GALNT13: variants seen among roughly 807,000 people sequenced by gnomAD.
GALNT13 encodes polypeptide N-acetylgalactosaminyltransferase 13.
GALNT13 carries 28 observed loss-of-function variants against 64.2 expected under a neutral mutation model. The ratio of observed to expected loss-of-function variants is 0.44; its 90% confidence interval spans 0.32 to 0.60. GALNT13 has a LOEUF of 0.60. Ranked by LOEUF, GALNT13 falls within the 20% of genes least tolerant of loss-of-function variation. GALNT13 has a pLI of 0.05. For synonymous variants in GALNT13, 214 were observed against 224.6 expected, an observed-to-expected ratio of 0.95 and a Z score of 0.42; for missense variants, 577 against 669.8, an observed-to-expected ratio of 0.86 and a Z score of 1.53.
the GALNT13 span, among the ~76,000 whole-genome samples, chr2:153,346,710 CA>C: frequency 6.6e-6 from 1 of 152,088 alleles, no homozygotes; most frequent in East Asian, 1.9e-4. Flanking sequence ...TATATGAAAT[CA>C]AAGCATGTTC....
At chr2:153,889,082 C>T (rs1687375559) in intron 1 of GALNT13, among the ~76,000 whole-genome samples, 1 of 151,586 alleles carries the variant, frequency 6.6e-6, no homozygotes, top group Admixed American at 6.6e-5. Context: ...GTGTGCTTTT[C>T]TGCAAAGCGC....
At chr2:153,463,293 G>A in the GALNT13 span, among the ~76,000 whole-genome samples, 1 of 152,056 alleles carries the variant, frequency 6.6e-6, no homozygotes, top group East Asian at 1.9e-4. Context: ...GTGTGTATTA[G>A]GGAGCGGCCA....
At chr2:153,298,425 G>A in the GALNT13 span, among the ~76,000 whole-genome samples, 7 of 152,266 alleles carry the variant, frequency 4.6e-5, no homozygotes, top group Admixed American at 3.9e-4. Context: ...TTCAGTTCCT[G>A]AAGACATTTT....
chr2:153,909,468 C>G (rs1025351810), intron 2 of GALNT13, among the ~76,000 whole-genome samples: 11 of 151,946 alleles, frequency 7.2e-5, no homozygotes, highest in Non-Finnish European at 1.6e-4. Flanking sequence ...ACTTTCAATA[C>G]TATGTTTAAT....
At chr2:154,224,117 A>G (rs1487231665) in intron 4 of GALNT13, among the ~76,000 whole-genome samples, 1 of 152,102 alleles carries the variant, frequency 6.6e-6, no homozygotes, top group African/African-American at 2.4e-5. Context: ...AAGAGTATAT[A>G]CCTTATGATA....
At chr2:153,130,432 C>T in the GALNT13 span, among the ~76,000 whole-genome samples, 3 of 152,128 alleles carry the variant, frequency 2.0e-5, no homozygotes, top group South Asian at 6.2e-4. Context: ...GAAACATCAA[C>T]TTCTTTGGTT....
chr2:154,360,689 G>A (rs1431771480), intron 9 of GALNT13, among the ~76,000 whole-genome samples: 1 of 152,108 alleles, frequency 6.6e-6, no homozygotes, highest in Non-Finnish European at 1.5e-5. Flanking sequence ...TGACTATTCA[G>A]TATATCTTTA....
At chr2:154,093,936 G>A (rs1701949788) in intron 3 of GALNT13, among the ~76,000 whole-genome samples, 1 of 151,594 alleles carries the variant, frequency 6.6e-6, no homozygotes, top group South Asian at 2.1e-4. Context: ...CAGTAAGTCA[G>A]CTGCCTATTG....
the GALNT13 span, among the ~76,000 whole-genome samples, chr2:153,325,561 C>T: frequency 9.2e-5 from 14 of 152,198 alleles, no homozygotes; most frequent in South Asian, 2.9e-3. Context: ...TTTGCACTTG[C>T]TTTTGTGGTT....
the GALNT13 span, among the ~76,000 whole-genome samples, chr2:153,680,035 T>C: frequency 6.6e-6 from 1 of 151,978 alleles, no homozygotes; most frequent in Non-Finnish European, 1.5e-5. Flanking sequence ...TTGTTTCATA[T>C]ATTTGTCACT....
chr2:153,415,207 A>C, the GALNT13 span, among the ~76,000 whole-genome samples: 22 of 152,272 alleles, frequency 1.4e-4, no homozygotes, highest in African/African-American at 4.8e-4. Flanking sequence ...ATAGTCTTGT[A>C]TGTTGACATG....
At chr2:153,525,509 G>C in the GALNT13 span, among the ~76,000 whole-genome samples, 3 of 152,200 alleles carry the variant, frequency 2.0e-5, no homozygotes, top group Non-Finnish European at 2.9e-5. Flanking sequence ...TGGTGAGTGA[G>C]CATTGCTGCC....
intron 3 of GALNT13, among the ~76,000 whole-genome samples, chr2:154,011,192 T>C (rs1489226268): frequency 6.6e-6 from 1 of 150,762 alleles, no homozygotes; most frequent in Non-Finnish European, 1.5e-5. Flanking sequence ...GGTTAGGTTG[T>C]CAATTTGAGG....
intron 4 of GALNT13, among the ~76,000 whole-genome samples, chr2:154,191,042 C>T (rs1213926954): frequency 6.6e-6 from 1 of 152,090 alleles, no homozygotes; most frequent in Non-Finnish European, 1.5e-5. Flanking sequence ...TGCAAATCTA[C>T]CATCCTTAAC....
intron 4 of GALNT13, among the ~76,000 whole-genome samples, chr2:154,152,878 T>G (rs1310780692): frequency 1.3e-5 from 2 of 152,208 alleles, no homozygotes; most frequent in Admixed American, 1.3e-4. Flanking sequence ...TGGTTTGAAT[T>G]TCCTCCTGTA....
chr2:154,397,095 T>C (rs969243830), intron 10 of GALNT13, among the ~76,000 whole-genome samples: 5 of 152,032 alleles, frequency 3.3e-5, no homozygotes, highest in African/African-American at 1.2e-4. Context: ...TTCCACTGAA[T>C]AGGAATCAAA....
At chr2:153,196,753 G>A in the GALNT13 span, among the ~76,000 whole-genome samples, 1 of 151,998 alleles carries the variant, frequency 6.6e-6, no homozygotes, top group Non-Finnish European at 1.5e-5. Flanking sequence ...ACCCCACTGT[G>A]GCAGCCCCCA....
chr2:153,075,177 T>A, the GALNT13 span, among the ~76,000 whole-genome samples: 2 of 152,214 alleles, frequency 1.3e-5, no homozygotes, highest in Non-Finnish European at 2.9e-5. Context: ...TGCTAAAACC[T>A]GAAATCAGCT....
chr2:153,938,271 T>G (rs1691092405), intron 2 of GALNT13, among the ~76,000 whole-genome samples: 1 of 152,160 alleles, frequency 6.6e-6, no homozygotes, highest in African/African-American at 2.4e-5. Context: ...ACATTTAACA[T>G]GGCAGTATGC....
Sources: allele counts gnomAD v4.1 joint callset (sites outside exome capture counted in the v4.1 genomes callset), GRCh38; gene constraint gnomAD v4.1.1; transcripts MANE v1.5; gene names NCBI Gene and HGNC (gene_info 2026-07-23, HGNC 2026-07-21).